The following CMTM4 variants were observed in gnomAD, a reference collection of about 807,000 sequenced individuals.
CMTM4 encodes the protein CKLF-like MARVEL transmembrane domain-containing protein 4.
Under a neutral mutation model 19.0 loss-of-function variants are expected in CMTM4, and 8 were observed. The ratio of observed to expected loss-of-function variants is 0.42; its 90% CI spans 0.25 to 0.76. The LOEUF is 0.76. Among genes scored for constraint, CMTM4 ranks in the 30% least tolerant of loss-of-function variants. The pLI, the probability that CMTM4 is intolerant of heterozygous loss-of-function variation, is 0.27. For missense variants in CMTM4, 228 were observed against 290.2 expected (o/e 0.79, Z 1.56); for synonymous variants, 106 against 121.1 (o/e 0.88, Z 0.82).
intron 1 of CMTM4, among the ~76,000 whole-genome samples, chr16:66,649,163 T>C (rs1323174405): frequency 3.3e-5 from 5 of 152,152 alleles, no homozygotes; most frequent in Non-Finnish European, 7.3e-5. Flanking sequence ...GCTATGATCA[T>C]GGCTGTGTAA....
chr16:66,643,046 G>A (rs1422014666), intron 1 of CMTM4, among the ~76,000 whole-genome samples: 1 of 152,090 alleles, frequency 6.6e-6, no homozygotes, highest in African/African-American at 2.4e-5. Context: ...TCAGCCTCCT[G>A]AGTAGCTGGG....
chr16:66,695,267 A>G (rs1262881646), intron 1 of CMTM4, among the ~76,000 whole-genome samples: 1 of 152,152 alleles, frequency 6.6e-6, no homozygotes, highest in Non-Finnish European at 1.5e-5. Flanking sequence ...AGATCGCTTG[A>G]GCCTGGGAGG....
At chr16:66,676,049 T>C (rs1287670881) in intron 1 of CMTM4, among the ~76,000 whole-genome samples, 9 of 151,940 alleles carry the variant, frequency 5.9e-5, no homozygotes, top group Admixed American at 5.9e-4. Flanking sequence ...TAAATCACAC[T>C]CTAACGGGAA....
intron 2 of CMTM4, among the ~76,000 whole-genome samples, chr16:66,627,773 G>T (rs2015771650): frequency 6.6e-6 from 1 of 152,174 alleles, no homozygotes; most frequent in South Asian, 2.1e-4. Context: ...TATCTCGTCA[G>T]GTGGGACGAG....
At chr16:66,650,954 G>A (rs2016298940) in intron 1 of CMTM4, among the ~76,000 whole-genome samples, 1 of 152,162 alleles carries the variant, frequency 6.6e-6, no homozygotes. Context: ...AGAATCAGAC[G>A]AAGCTCTAAT....
chr16:66,679,716 C>G (rs2016872501), intron 1 of CMTM4, among the ~76,000 whole-genome samples: 2 of 150,834 alleles, frequency 1.3e-5, no homozygotes, highest in South Asian at 4.2e-4. Context: ...CCCAGCTACT[C>G]GGGAGACTGA....
At position 66,663,606 on chromosome 16, in the gene CMTM4, G is replaced by A. The variant is rs369712939; in HGVS notation, c.187-27025C>T. Among the ~76,000 whole-genome samples the A allele has an allele frequency of 6.6e-5, 9 of 137,384 alleles. 1 individual carries two copies. The South Asian group carries it at 7.1e-4, about 11-fold the overall frequency. The allele number at this position is 137,384 out of a possible 152,430, so 90.1% of individuals were successfully genotyped here. On this transcript the variant is annotated intron_variant, in intron 1 of 3. Coordinates refer to ENST00000394106, the MANE Select transcript of CMTM4 (RefSeq NM_181521.3). ...TCGTCAGGCTGGAGTTCAGTGGTGC[G>A]ATCTTGGCTCACTGCAACCTCCGCC...
chr16:66,660,589 T>C (rs1233496480), intron 1 of CMTM4, among the ~76,000 whole-genome samples: 1 of 152,204 alleles, frequency 6.6e-6, no homozygotes, highest in African/African-American at 2.4e-5. Context: ...TTACACACAA[T>C]GTGACTAGTG....
At chr16:66,654,600 G>A (rs182491177) in intron 1 of CMTM4, among the ~76,000 whole-genome samples, 15 of 152,266 alleles carry the variant, frequency 9.9e-5, no homozygotes, top group Admixed American at 3.3e-4. Context: ...TCCTCTTGCC[G>A]TTAGCATAGC....
chr16:66,608,463 T>C, the CMTM4 span: 2 of 1,613,822 alleles, frequency 1.2e-6, no homozygotes, highest in African/African-American at 1.3e-5. This position sits in a 1 kb window ranked among gnomAD's most constrained non-coding sequence, Gnocchi z 5.1. Context: ...TGGCCCATGA[T>C]GGTGAGGACA....
downstream of CMTM4, chr16:66,609,863 C>A (rs779520018): frequency 7.4e-6 from 12 of 1,614,174 alleles, no homozygotes; most frequent in Non-Finnish European, 9.3e-6. The surrounding 1 kb of genome is among the most constrained non-coding windows in gnomAD (Gnocchi z 4.4). Flanking sequence ...TGTGATGCAT[C>A]CCATCCACCC....
At chr16:66,637,830 A>G (rs1048414314) in intron 1 of CMTM4, among the ~76,000 whole-genome samples, 2 of 152,328 alleles carry the variant, frequency 1.3e-5, no homozygotes, top group Admixed American at 1.3e-4. Context: ...CTCCACCTCA[A>G]AAGTCAAGGA....
downstream of CMTM4, chr16:66,609,861 A>G (rs2144749009): frequency 1.2e-6 from 2 of 1,614,158 alleles, no homozygotes; most frequent in Non-Finnish European, 1.7e-6. This position sits in a 1 kb window ranked among gnomAD's most constrained non-coding sequence, Gnocchi z 4.4. Flanking sequence ...CCTGTGATGC[A>G]TCCCATCCAC....
the CMTM4 span, among the ~76,000 whole-genome samples, chr16:66,607,150 TCAGGGTAC>T: frequency 1.6e-4 from 25 of 152,218 alleles, no homozygotes; most frequent in Non-Finnish European, 3.1e-4. Context: ...CCCGTGAGCC[TCAGGGTAC>T]CAGGCACTGT....
intron 1 of CMTM4, among the ~76,000 whole-genome samples, chr16:66,666,847 A>G (rs914230493): frequency 6.6e-6 from 1 of 152,240 alleles, no homozygotes; most frequent in South Asian, 2.1e-4. Flanking sequence ...GTTTTCACTT[A>G]TAAGTGAGAC....
At chr16:66,645,471 G>A (rs1304612693) in intron 1 of CMTM4, among the ~76,000 whole-genome samples, 2 of 151,922 alleles carry the variant, frequency 1.3e-5, no homozygotes, top group South Asian at 2.1e-4. Context: ...CCAGCTACTC[G>A]GGAGGCTGAG....
chr16:66,601,105 G>A, the CMTM4 span, among the ~76,000 whole-genome samples: 5,211 of 145,186 alleles, frequency 0.036, 200 homozygotes, highest in East Asian at 0.11. Context: ...GTGTGTGTGT[G>A]TCTGTGTGTG....
intron 1 of CMTM4, among the ~76,000 whole-genome samples, chr16:66,665,527 C>A (rs2016576242): frequency 6.6e-6 from 1 of 151,214 alleles, no homozygotes; most frequent in Non-Finnish European, 1.5e-5. Context: ...GGCAGATCAC[C>A]TGAAGTCAGG....
downstream of CMTM4, chr16:66,610,210 T>C: frequency 1.5e-6 from 1 of 660,692 alleles, no homozygotes; most frequent in Non-Finnish European, 2.5e-6. The surrounding 1 kb of genome is among the most constrained non-coding windows in gnomAD (Gnocchi z 4.6). Context: ...CCAGCCTTTC[T>C]AGGAGGGGCA....
Sources: allele counts gnomAD v4.1 joint callset (sites outside exome capture counted in the v4.1 genomes callset), GRCh38; gene constraint gnomAD v4.1.1; non-coding constraint Gnocchi (gnomAD v3.1); transcripts MANE v1.5; gene names NCBI Gene and HGNC (gene_info 2026-07-23, HGNC 2026-07-21).